The following PRDM16 variants were observed in gnomAD, a reference collection of about 807,000 sequenced individuals.
PRDM16 encodes the protein histone-lysine N-methyltransferase PRDM16.
In PRDM16, 23 loss-of-function variants were observed where a neutral mutation model predicts 110.6. The observed-to-expected ratio is 0.21, with a 90% CI of 0.15 to 0.29. PRDM16 has a LOEUF of 0.29. Among genes scored for constraint, PRDM16 ranks in the 10% least tolerant of loss-of-function variants. The pLI is 1.00. For missense variants in PRDM16, 1,615 were observed against 1,794.3 expected (o/e 0.90, Z 1.81); for synonymous variants, 799 against 781.8 (o/e 1.02, Z -0.37).
Position 3,359,550 on chromosome 1 carries a change from C to T in PRDM16, c.439-25602C>T, listed in dbSNP as rs1195345681. Among the ~76,000 whole-genome samples the T allele has an allele frequency of 2.0e-5, 3 of 152,158 alleles. No individual in the cohort carries two copies. Among genetic ancestry groups the T allele is most frequent in the East Asian group, 1.9e-4 (1 of 5,188 alleles). ...GTGAGCCTGTCTGCACCATCTGCAT[C>T]GCATCTCTCCCTGCAGCTACTCCAG... On this transcript the variant is annotated intron_variant, in intron 3 of 16. Transcript: ENST00000270722. The surrounding 1 kb of genome is among the most constrained non-coding windows in gnomAD (Gnocchi z 4.3).
chr1:3,069,257 A>G lies in PRDM16; in HGVS notation c.-3A>G, dbSNP rs777824107. The G allele has an allele frequency of 6.4e-7, 1 of 1,574,448 alleles. No individual in the cohort carries two copies. On this transcript the variant is annotated 5_prime_UTR_variant, in exon 1 of 17. Transcript: ENST00000270722. This position sits in a 1 kb window ranked among gnomAD's most constrained non-coding sequence, Gnocchi z 6.1. Reference sequence around the variant, plus strand: ...GAGGAGAGAGATTCCGCGAGCCGACACCATGCGATCCAAGGCGAGGGCGAG... The same window carrying G: ...GAGGAGAGAGATTCCGCGAGCCGACGCCATGCGATCCAAGGCGAGGGCGAG...
intron 1 of PRDM16, among the ~76,000 whole-genome samples, chr1:3,135,592 G>A (rs933451087): frequency 6.6e-6 from 1 of 152,104 alleles, no homozygotes; most frequent in African/African-American, 2.4e-5. Context: ...TGACACACCA[G>A]CTGTGATCCT....
In PRDM16 at chr1:3,148,787, C is replaced by T. The variant is rs1461134751; in HGVS notation, c.38-37338C>T. Among the ~76,000 whole-genome samples the T allele has an allele frequency of 6.6e-6, 1 of 152,226 alleles. No individual in the cohort carries two copies. The highest frequency in any genetic ancestry group is 6.5e-5 in the Admixed American group (1 of 15,282). On this transcript the variant is annotated intron_variant, in intron 1 of 16. Transcript: ENST00000270722. The surrounding 1 kb of genome is among the most constrained non-coding windows in gnomAD (Gnocchi z 5.0). ...ATCTCTCTAAAATCCCCAAATCCATCCCCACTTTACTTAGCACATGTTGAA... is the reference window on the plus strand; with the variant it reads ...ATCTCTCTAAAATCCCCAAATCCATTCCCACTTTACTTAGCACATGTTGAA...
chr1:3,073,190 G>A (rs982874947), intron 1 of PRDM16, among the ~76,000 whole-genome samples: 1 of 152,208 alleles, frequency 6.6e-6, no homozygotes, highest in Non-Finnish European at 1.5e-5. Flanking sequence ...CGGGAGGCTG[G>A]GTGAAGGGGA....
At position 3,143,130 on chromosome 1, in the gene PRDM16, A is replaced by C. The variant is rs1347332382; in HGVS notation, c.38-42995A>C. Among the ~76,000 whole-genome samples, 1 of 152,146 alleles carries C rather than the reference A, an allele frequency of 6.6e-6. No individual in the cohort carries two copies. Among genetic ancestry groups the C allele is most frequent in the African/African-American group, 2.4e-5 (1 of 41,430 alleles). On this transcript the variant is annotated intron_variant, in intron 1 of 16. Transcript: ENST00000270722. This position sits in a 1 kb window ranked among gnomAD's most constrained non-coding sequence, Gnocchi z 4.5. ...GTCGCCTGTCATTTAAAATGAAAGT[A>C]AGAAGGGAGACCTTGTGGCAACCGC...
chr1:3,091,982 G>C (rs972894802), intron 1 of PRDM16, among the ~76,000 whole-genome samples: 1 of 152,190 alleles, frequency 6.6e-6, no homozygotes, highest in African/African-American at 2.4e-5. Context: ...TGGGAGGCCC[G>C]CGTTAGCCCC....
chr1:3,329,020 C>T (rs1224404610), intron 3 of PRDM16, among the ~76,000 whole-genome samples: 2 of 140,480 alleles, frequency 1.4e-5, no homozygotes, highest in Non-Finnish European at 3.3e-5. Flanking sequence ...CAGACCCTTT[C>T]CCCCCAGGCG....
intron 1 of PRDM16, among the ~76,000 whole-genome samples, chr1:3,076,520 A>G (rs1641904046): frequency 1.3e-5 from 2 of 152,180 alleles, no homozygotes; most frequent in South Asian, 2.1e-4. Context: ...GCAGGGACAC[A>G]TGGGCTCAGC....
At chr1:3,316,465 G>A (rs1255523656) in intron 3 of PRDM16, among the ~76,000 whole-genome samples, 1 of 152,242 alleles carries the variant, frequency 6.6e-6, no homozygotes, top group Non-Finnish European at 1.5e-5. Flanking sequence ...AGTACTGGGA[G>A]GGATTCAGGA....
In PRDM16 at chr1:3,435,021, T is replaced by C. The variant is rs1638869017; in HGVS notation, c.*1210T>C. ...GTCACGTCGCTCTTCCTGCGGGTTC[T>C]TGGCGAGACACAGCTTGAGAACAGA... On this transcript the variant is annotated 3_prime_UTR_variant, in exon 17 of 17. Coordinates refer to ENST00000270722, the MANE Select transcript of PRDM16 (RefSeq NM_022114.4). The C allele has an allele frequency of 4.4e-6, 1 of 227,734 alleles. No homozygotes were observed. Among genetic ancestry groups the C allele is most frequent in the Admixed American group, 5.7e-5 (1 of 17,590 alleles). 14.1% of individuals were successfully genotyped at this position (227,734 alleles called of 1,614,324 possible).
chr1:3,335,649 A>G (rs1221879730), intron 3 of PRDM16, among the ~76,000 whole-genome samples: 2 of 147,578 alleles, frequency 1.4e-5, no homozygotes, highest in Admixed American at 1.3e-4. Context: ...ACACCCTTGG[A>G]CATAAATCTG....
At chr1:3,230,414 C>T (rs1189594715) in intron 2 of PRDM16, among the ~76,000 whole-genome samples, 1 of 152,230 alleles carries the variant, frequency 6.6e-6, no homozygotes, top group African/African-American at 2.4e-5. Context: ...GCCGGACTCA[C>T]GGCCACCAGA....
intron 3 of PRDM16, among the ~76,000 whole-genome samples, chr1:3,287,264 G>A (rs967837368): frequency 6.6e-6 from 1 of 150,534 alleles, no homozygotes. Context: ...ACCGGGGCTG[G>A]AGGCGCCCCG....
At chr1:3,336,643 G>A (rs1642160114) in intron 3 of PRDM16, among the ~76,000 whole-genome samples, 1 of 148,708 alleles carries the variant, frequency 6.7e-6, no homozygotes. Flanking sequence ...CATGTGTGTT[G>A]GAGTGAGTGT....
intron 6 of PRDM16, among the ~76,000 whole-genome samples, chr1:3,403,321 A>G (rs1643506220): frequency 6.6e-6 from 1 of 152,176 alleles, no homozygotes; most frequent in African/African-American, 2.4e-5. Context: ...TGCGGGGAGA[A>G]ACTAGAAAGG....
chr1:3,113,774 G>A lies in PRDM16; in HGVS notation c.37+44478G>A, dbSNP rs147981351. 7.1e-3 allele frequency among the ~76,000 whole-genome samples: 1,077 copies of A among 152,352 alleles called. 7 individuals are homozygous for A. Among genetic ancestry groups the A allele is most frequent in the Non-Finnish European group, 0.01 (699 of 68,024 alleles). ...ACCCCCGTCTGGGGGCCCTGGGCCA[G>A]AGGCAGAGGCTGCATCCTGGCAGGG... On this transcript the variant is annotated intron_variant, in intron 1 of 16. Coordinates refer to ENST00000270722, the MANE Select transcript of PRDM16 (RefSeq NM_022114.4).
At chr1:3,250,639 C>T (rs60443258) in intron 3 of PRDM16, among the ~76,000 whole-genome samples, 1 of 152,122 alleles carries the variant, frequency 6.6e-6, no homozygotes, top group Non-Finnish European at 1.5e-5. Context: ...TCTCTACCAC[C>T]CTGCGTGTCT....
In PRDM16 at chr1:3,075,127, G is replaced by A. The variant is rs1031031572; in HGVS notation, c.37+5831G>A. 3.9e-5 allele frequency among the ~76,000 whole-genome samples: 6 copies of A among 152,380 alleles called. No individual in the cohort carries two copies. In the South Asian group the frequency reaches 6.2e-4, roughly 16 times the overall value. ...CCGCCTGGCCGGCCTAGCCTGAGAC[G>A]CGGGAACAATGCCCCGAGGCCTGAA... On this transcript the variant is annotated intron_variant, in intron 1 of 16. Coordinates refer to ENST00000270722, the MANE Select transcript of PRDM16 (RefSeq NM_022114.4).
chr1:3,291,937 C>T (rs1047792340), intron 3 of PRDM16, among the ~76,000 whole-genome samples: 20 of 152,256 alleles, frequency 1.3e-4, no homozygotes, highest in African/African-American at 4.8e-4. Context: ...CTGTCTCCCC[C>T]CACACAGCAG....
Sources: gnomAD v4.1 joint callset for allele counts (sites outside exome capture counted in the v4.1 genomes callset) on GRCh38, gnomAD v4.1.1 for gene constraint, Gnocchi (gnomAD v3.1) non-coding constraint, MANE v1.5 for transcripts, NCBI Gene and HGNC (gene_info 2026-07-23, HGNC 2026-07-21) for gene names.